ZBTB20: variants seen among roughly 807,000 people sequenced by gnomAD.
ZBTB20 encodes the protein zinc finger and BTB domain containing 20.
A neutral mutation model predicts 56.9 loss-of-function variants in ZBTB20; 9 were observed. That is an observed-to-expected ratio of 0.16 (90% CI 0.10 to 0.28). ZBTB20 has a LOEUF of 0.28. ZBTB20 is among the 10% of genes least tolerant of loss of function. The pLI, the probability that ZBTB20 is intolerant of heterozygous loss-of-function variation, is 1.00. For synonymous variants in ZBTB20, 417 were observed against 420.7 expected, an observed-to-expected ratio of 0.99 and a Z score of 0.11; for missense variants, 655 against 1,003.0, an observed-to-expected ratio of 0.65 and a Z score of 4.69.
intron 1 of ZBTB20, among the ~76,000 whole-genome samples, chr3:115,078,066 T>C (rs1038013710): frequency 2.0e-5 from 3 of 152,136 alleles, no homozygotes; most frequent in African/African-American, 7.2e-5. Context: ...GTGAAATAAC[T>C]AGTGAGTTTC....
intron 7 of ZBTB20, among the ~76,000 whole-genome samples, chr3:114,475,210 CTTCT>C (rs902260781): frequency 7.2e-5 from 11 of 151,834 alleles, no homozygotes; most frequent in African/African-American, 2.4e-4. Context: ...ATGTTCTTTC[CTTCT>C]ATCTCTGTAT....
chr3:114,431,770 A>G (rs2090141629), intron 7 of ZBTB20, among the ~76,000 whole-genome samples: 1 of 152,162 alleles, frequency 6.6e-6, no homozygotes, highest in Non-Finnish European at 1.5e-5. Flanking sequence ...ATCAGAACCA[A>G]AGGTAAAAAC....
intron 2 of ZBTB20, among the ~76,000 whole-genome samples, chr3:115,033,439 A>C (rs1344938169): frequency 1.3e-5 from 2 of 151,598 alleles, no homozygotes; most frequent in Non-Finnish European, 3.0e-5. Context: ...AATTATTTTT[A>C]AAAAGAATAA....
intron 1 of ZBTB20, among the ~76,000 whole-genome samples, chr3:115,113,553 G>A (rs2083937709): frequency 1.3e-5 from 2 of 152,310 alleles, no homozygotes; most frequent in Admixed American, 6.5e-5. Flanking sequence ...ACTGCTGATT[G>A]CAACACTGGT....
chr3:114,538,647 A>T (rs2048757555), intron 6 of ZBTB20, among the ~76,000 whole-genome samples: 1 of 152,166 alleles, frequency 6.6e-6, no homozygotes, highest in East Asian at 1.9e-4. Flanking sequence ...TAAGTGCAAG[A>T]TACACATGTT....
At chr3:115,070,463 T>C (rs1225725787) in intron 2 of ZBTB20, among the ~76,000 whole-genome samples, 1 of 152,072 alleles carries the variant, frequency 6.6e-6, no homozygotes, top group African/African-American at 2.4e-5. Context: ...AAACACACCA[T>C]TTTTTCAGAG....
intron 10 of ZBTB20, among the ~76,000 whole-genome samples, chr3:114,356,430 T>C (rs533444241): frequency 5.0e-4 from 76 of 152,286 alleles, no homozygotes; most frequent in African/African-American, 1.8e-3. Context: ...AAAGGATATA[T>C]AAAATGAGAC....
chr3:114,660,797 C>T (rs1346231249), intron 6 of ZBTB20, among the ~76,000 whole-genome samples: 2 of 151,850 alleles, frequency 1.3e-5, no homozygotes, highest in Admixed American at 6.6e-5. Context: ...CCTCTTCTTA[C>T]CTAATTGCAT....
chr3:114,775,524 T>C (rs1313029697), intron 5 of ZBTB20, among the ~76,000 whole-genome samples: 1 of 150,786 alleles, frequency 6.6e-6, no homozygotes, highest in African/African-American at 2.4e-5. Context: ...GATCTTGCAA[T>C]ACATGTGGGC....
chr3:114,653,528 A>G (rs1364139654), intron 6 of ZBTB20, among the ~76,000 whole-genome samples: 1 of 151,942 alleles, frequency 6.6e-6, no homozygotes, highest in Non-Finnish European at 1.5e-5. Context: ...GTTTGCTAAT[A>G]TTTTGTTAAA....
intron 3 of ZBTB20, among the ~76,000 whole-genome samples, chr3:114,922,564 T>C (rs2075999609): frequency 6.6e-6 from 1 of 152,186 alleles, no homozygotes; most frequent in African/African-American, 2.4e-5. Context: ...AGATCCATCT[T>C]AGTCTGTGGG....
chr3:114,919,678 C>T (rs1038315237), intron 3 of ZBTB20, among the ~76,000 whole-genome samples: 3 of 151,212 alleles, frequency 2.0e-5, no homozygotes, highest in Non-Finnish European at 4.4e-5. Flanking sequence ...GCACTCTAGC[C>T]TGGGTGACAG....
intron 3 of ZBTB20, among the ~76,000 whole-genome samples, chr3:114,955,762 T>C (rs1174906005): frequency 6.6e-6 from 1 of 152,104 alleles, no homozygotes; most frequent in Non-Finnish European, 1.5e-5. Flanking sequence ...TTCTTCTGGG[T>C]AAGGTTAAAC....
intron 5 of ZBTB20, among the ~76,000 whole-genome samples, chr3:114,714,950 T>C (rs1008382884): frequency 9.2e-5 from 14 of 152,214 alleles, no homozygotes; most frequent in African/African-American, 3.4e-4. Flanking sequence ...TAAAAAATCA[T>C]AGCCAGTCGG....
At chr3:115,012,657 C>A (rs2079773988) in intron 2 of ZBTB20, among the ~76,000 whole-genome samples, 2 of 151,782 alleles carry the variant, frequency 1.3e-5, no homozygotes. Context: ...TTGGACAGAT[C>A]TTCCAGACAG....
intron 6 of ZBTB20, among the ~76,000 whole-genome samples, chr3:114,655,267 A>C: frequency 2.1e-5 from 1 of 48,180 alleles, no homozygotes; most frequent in Admixed American, 3.7e-4. Context: ...TTTTTTTGAG[A>C]CGGAGTCTCG....
Position 114,751,703 on chromosome 3 carries a change from C to T in ZBTB20, c.-343+49398G>A, listed in dbSNP as rs116631214. ...TTAATAAAACAAACCAAGTTAATCA[C>T]AAATTGTTGCAACAAAATATGTGAC... On this transcript the variant is annotated intron_variant, in intron 5 of 11. Transcript: ENST00000675478. 6.9e-3 allele frequency among the ~76,000 whole-genome samples: 1,055 copies of T among 152,160 alleles called. 6 individuals are homozygous for T. The highest frequency in any genetic ancestry group is 0.024 in the African/African-American group (1,003 of 41,536).
chr3:114,887,682 T>TTGATTTC (rs1449571619), intron 4 of ZBTB20, among the ~76,000 whole-genome samples: 1 of 152,146 alleles, frequency 6.6e-6, no homozygotes, highest in Non-Finnish European at 1.5e-5. Context: ...CTGCTGCATT[T>TTGATTTC]TGATTTCTGA....
At chr3:114,922,589 T>C (rs989404720) in intron 3 of ZBTB20, among the ~76,000 whole-genome samples, 3 of 152,186 alleles carry the variant, frequency 2.0e-5, no homozygotes, top group Admixed American at 6.5e-5. Flanking sequence ...GCTTATTACC[T>C]AAGGCTGGGT....
Sources: allele counts gnomAD v4.1 joint callset (sites outside exome capture counted in the v4.1 genomes callset), GRCh38; gene constraint gnomAD v4.1.1; transcripts MANE v1.5; gene names NCBI Gene and HGNC (gene_info 2026-07-23, HGNC 2026-07-21).